RNF24: variants seen among roughly 807,000 people sequenced by gnomAD.
The protein encoded by RNF24 is ring finger protein 24.
RNF24 carries 14 observed loss-of-function variants against 20.0 expected under a neutral mutation model. That is an observed-to-expected ratio of 0.70 (90% CI 0.46 to 1.10). The LOEUF is 1.10. Among genes scored for constraint, RNF24 ranks in the 50% least tolerant of loss-of-function variants. RNF24 has a pLI of 0.00. For missense variants in RNF24, 124 were observed against 177.6 expected, an observed-to-expected ratio of 0.70 and a Z score of 1.71; for synonymous variants, 45 against 61.1, an observed-to-expected ratio of 0.74 and a Z score of 1.23.
chr20:3,982,395 G>A (rs1979488133), intron 1 of RNF24, among the ~76,000 whole-genome samples: 1 of 150,292 alleles, frequency 6.7e-6, no homozygotes, highest in Non-Finnish European at 1.5e-5. Flanking sequence ...GGCCAACATG[G>A]TGAAACCCTG....
intron 4 of RNF24, among the ~76,000 whole-genome samples, chr20:3,941,665 AT>A: frequency 6.6e-6 from 1 of 152,356 alleles, no homozygotes; most frequent in Admixed American, 6.5e-5. Context: ...CTGAATGTAA[AT>A]GATCTATACA....
chr20:4,002,411 A>G (rs1368666414), intron 1 of RNF24, among the ~76,000 whole-genome samples: 1 of 151,874 alleles, frequency 6.6e-6, no homozygotes, highest in East Asian at 1.9e-4. Context: ...ACAAAAAAAC[A>G]AAACAAAACA....
intron 1 of RNF24, among the ~76,000 whole-genome samples, chr20:4,014,417 G>A (rs1027164646): frequency 1.3e-5 from 2 of 152,076 alleles, no homozygotes; most frequent in African/African-American, 4.8e-5. Flanking sequence ...ATGAGCATTC[G>A]GACAAATTAT....
At chr20:3,997,321 A>G (rs1047903180) in intron 1 of RNF24, among the ~76,000 whole-genome samples, 7 of 151,998 alleles carry the variant, frequency 4.6e-5, no homozygotes, top group African/African-American at 1.7e-4. Context: ...GAAACCTTCC[A>G]ATATACTGAT....
intron 1 of RNF24, among the ~76,000 whole-genome samples, chr20:3,982,257 G>A (rs1389228107): frequency 1.3e-5 from 2 of 151,886 alleles, no homozygotes; most frequent in Non-Finnish European, 2.9e-5. Flanking sequence ...AACTCCTCTT[G>A]AAACCTAATA....
At chr20:3,997,229 CA>C (rs1227396478) in intron 1 of RNF24, among the ~76,000 whole-genome samples, 12,790 of 51,220 alleles carry the variant, frequency 0.25, 344 homozygotes, top group Non-Finnish European at 0.3. Flanking sequence ...GACTCCATCT[CA>C]AAAAAAAAAA....
intron 1 of RNF24, among the ~76,000 whole-genome samples, chr20:3,996,562 C>T (rs1430157416): frequency 6.6e-6 from 1 of 152,066 alleles, no homozygotes; most frequent in African/African-American, 2.4e-5. Context: ...CCTACCCCAC[C>T]CTCAATATCT....
At chr20:4,006,782 G>A (rs1032272177) in intron 1 of RNF24, among the ~76,000 whole-genome samples, 2 of 152,168 alleles carry the variant, frequency 1.3e-5, no homozygotes, top group Non-Finnish European at 2.9e-5. Context: ...CTATCCTTAG[G>A]GCACATGGAG....
rs1233896876 is a variant in RNF24 at position 3,932,371 on chromosome 20, T to C, written c.*1692A>G. 1 of 152,294 alleles carries C rather than the reference T, an allele frequency of 6.6e-6. No homozygotes were observed. Among genetic ancestry groups the C allele is most frequent in the Non-Finnish European group, 1.5e-5 (1 of 68,102 alleles). The allele number at this position is 152,294 out of a possible 1,614,324, so 9.4% of individuals were successfully genotyped here. A position where few individuals can be genotyped will look rare whatever the true frequency, so the allele number is the denominator to read the frequency against. On this transcript the variant is annotated 3_prime_UTR_variant, in exon 6 of 6. Transcript: ENST00000358395. ...TATTCCTCACTTTCCTCGTCCTGTTTAGGAAGCAGTCCAGTTGGCATACCA... is the reference window on the plus strand; with the variant it reads ...TATTCCTCACTTTCCTCGTCCTGTTCAGGAAGCAGTCCAGTTGGCATACCA...
intron 2 of RNF24, among the ~76,000 whole-genome samples, chr20:3,959,677 GCCCTCTTCTC>G (rs1244514723): frequency 6.6e-6 from 1 of 152,090 alleles, no homozygotes; most frequent in Non-Finnish European, 1.5e-5. Flanking sequence ...GCAGTCCTCT[GCCCTCTTCTC>G]AAGAGATAAC....
intron 1 of RNF24, among the ~76,000 whole-genome samples, chr20:3,987,464 T>C (rs1316589072): frequency 1.3e-5 from 2 of 152,220 alleles, no homozygotes; most frequent in Non-Finnish European, 2.9e-5. Flanking sequence ...TACCTCATTT[T>C]GGCACTCAAA....
intron 1 of RNF24, among the ~76,000 whole-genome samples, chr20:3,999,849 A>G (rs747743313): frequency 3.9e-5 from 6 of 152,234 alleles, no homozygotes; most frequent in Non-Finnish European, 5.9e-5. Flanking sequence ...CCTTAAGATA[A>G]AAAAGAACAT....
chr20:3,935,047 G>A lies in RNF24; in HGVS notation c.255C>T (p.Phe85=), dbSNP rs767283426. 3.1e-6 allele frequency: 5 copies of A among 1,613,916 alleles called. No individual in the cohort carries two copies. The African/African-American group carries it at 4.0e-5, about 13-fold the overall frequency. ...HELCAVCLED[F]KPRDELGICP... ...AAATCCCCAACTCATCTCGAGGCTT[G>A]AAGTCTTCTAGGCACACTGCACAGA... The change falls in exon 5 of 6, where the codon TTC becomes TTT. Residue 85 remains phenylalanine, a synonymous_variant. Transcript: ENST00000358395.
chr20:3,980,978 G>A (rs1390296026), intron 1 of RNF24, among the ~76,000 whole-genome samples: 1 of 151,328 alleles, frequency 6.6e-6, no homozygotes, highest in Non-Finnish European at 1.5e-5. Flanking sequence ...GGGGGGGGCA[G>A]GGGGAGGGGG....
intron 1 of RNF24, among the ~76,000 whole-genome samples, chr20:4,014,772 C>CACAA (rs1243027678): frequency 6.8e-6 from 1 of 146,882 alleles, no homozygotes; most frequent in Non-Finnish European, 1.5e-5. Flanking sequence ...CACACACACA[C>CACAA]ACACATCATT....
At chr20:3,974,142 T>A (rs2143236) in intron 1 of RNF24, among the ~76,000 whole-genome samples, 133,156 of 151,570 alleles carry the variant, frequency 0.88, 58,806 homozygotes, top group Non-Finnish European at 0.92. Flanking sequence ...TTAACTGATT[T>A]AAAAAAAACA....
Position 3,932,217 on chromosome 20 carries a change from A to C in RNF24, c.*1846T>G, listed in dbSNP as rs1162336064. 1 of 152,200 alleles carries C rather than the reference A, an allele frequency of 6.6e-6. No homozygotes were observed. The highest frequency in any genetic ancestry group is 1.5e-5 in the Non-Finnish European group (1 of 68,034). The allele number at this position is 152,200 out of a possible 1,614,324, so 9.4% of individuals were successfully genotyped here. A position where few individuals can be genotyped will look rare whatever the true frequency, so the allele number is the denominator to read the frequency against. ...TTGGTCACTGAAAACAGCTCACTAT[A>C]AACGGGGTGTTTTGTGGCATTCAAC... On this transcript the variant is annotated 3_prime_UTR_variant, in exon 6 of 6. Coordinates refer to ENST00000358395, the MANE Select transcript of RNF24 (RefSeq NM_001134337.3).
intron 1 of RNF24, among the ~76,000 whole-genome samples, chr20:3,993,513 C>A (rs1980624785): frequency 6.6e-6 from 1 of 152,132 alleles, no homozygotes. Context: ...TCTCAAACTC[C>A]TGACCTCAAG....
At chr20:3,984,011 T>TGC (rs1979667218) in intron 1 of RNF24, among the ~76,000 whole-genome samples, 1 of 146,666 alleles carries the variant, frequency 6.8e-6, no homozygotes, top group South Asian at 2.2e-4. Flanking sequence ...GTAATCCCAG[T>TGC]GCTTTGGGAG....
Sources: allele counts gnomAD v4.1 joint callset (sites outside exome capture counted in the v4.1 genomes callset), GRCh38; gene constraint gnomAD v4.1.1; transcripts MANE v1.5; gene names NCBI Gene and HGNC (gene_info 2026-07-23, HGNC 2026-07-21).